Variants in ELAVL4 observed in about 807,000 individuals in gnomAD.
ELAVL4 encodes ELAV like RNA binding protein 4, also known as ELAV-like protein 4.
A neutral mutation model predicts 35.6 loss-of-function variants in ELAVL4; 1 was observed. That is an observed-to-expected ratio of 0.03 (90% CI 0.01 to 0.13). The LOEUF (loss-of-function observed/expected upper bound fraction) is 0.13, where lower values mean the gene tolerates loss of function less well. ELAVL4 is among the 10% of genes least tolerant of loss of function. The pLI, the probability that ELAVL4 is intolerant of heterozygous loss-of-function variation, is 1.00. For synonymous variants in ELAVL4, 156 were observed against 171.0 expected (o/e 0.91, Z 0.69); for missense variants, 267 against 464.9 (o/e 0.57, Z 3.91).
Position 50,191,401 on chromosome 1 carries a change from A to T in ELAVL4, c.355-2364A>T, listed in dbSNP as rs532701578. ...ACACAGCTGGGATTCTGGGTGCCTG[A>T]CTCTCAGTGGTCCACCTTACTGGAG... On this transcript the variant is annotated intron_variant, in intron 3 of 6. Coordinates refer to ENST00000371824, the MANE Select transcript of ELAVL4 (RefSeq NM_001144774.3). Among the ~76,000 whole-genome samples, 26 of 151,788 alleles carry T rather than the reference A, an allele frequency of 1.7e-4. No individual in the cohort carries two copies. In the South Asian group the frequency reaches 4.6e-3, roughly 27 times the overall value.
chr1:50,123,109 A>G (rs1443576973), intron 1 of ELAVL4, among the ~76,000 whole-genome samples: 2 of 152,074 alleles, frequency 1.3e-5, no homozygotes, highest in African/African-American at 2.4e-5. Flanking sequence ...TCCTTGGGGT[A>G]TGTATATATT....
chr1:50,198,680 G>T (rs1253073901), intron 6 of ELAVL4, among the ~76,000 whole-genome samples: 2 of 152,138 alleles, frequency 1.3e-5, no homozygotes, highest in Non-Finnish European at 2.9e-5. Context: ...ATGTTAGTGA[G>T]GTAGTGCTAA....
At chr1:50,148,916 G>A (rs1017545854) in intron 2 of ELAVL4, among the ~76,000 whole-genome samples, 5 of 152,276 alleles carry the variant, frequency 3.3e-5, no homozygotes, top group African/African-American at 1.2e-4. Context: ...AAGTTCCTAT[G>A]TGATCAGTAT....
At chr1:50,144,762 C>A (rs1673394041) in intron 1 of ELAVL4, 195 bp from the exon 2 acceptor site, 1 of 824,746 alleles carries the variant, frequency 1.2e-6, no homozygotes, top group Non-Finnish European at 2.1e-6. Flanking sequence ...TATGGGCTGG[C>A]CTAAAAATAG....
rs367854844 is a variant in ELAVL4, at chr1:50,183,690, G to A, written c.354+6498G>A. Among the ~76,000 whole-genome samples the A allele has an allele frequency of 3.3e-5, 5 of 152,238 alleles. No homozygotes were observed. In the South Asian group the frequency reaches 8.3e-4, roughly 25 times the overall value. ...CCACTTCTTTCTCTTGCCAGGGGTC[G>A]TCAGGGAGCTGCGCCTCCCCCTCTC... On this transcript the variant is annotated intron_variant, in intron 3 of 6. Transcript: ENST00000371824.
intron 1 of ELAVL4, among the ~76,000 whole-genome samples, chr1:50,109,427 C>G (rs894533792): frequency 6.6e-6 from 1 of 151,970 alleles, no homozygotes; most frequent in African/African-American, 2.4e-5. Context: ...TTCCCTTCAA[C>G]ATAAAGGCAA....
intron 2 of ELAVL4, among the ~76,000 whole-genome samples, chr1:50,172,096 G>T (rs1001595643): frequency 7.2e-5 from 11 of 152,148 alleles, no homozygotes; most frequent in African/African-American, 2.7e-4. Context: ...TTTAAAAAGC[G>T]AAAGAGCAAG....
At chr1:50,110,789 T>C (rs1289193651) in intron 1 of ELAVL4, among the ~76,000 whole-genome samples, 1 of 152,174 alleles carries the variant, frequency 6.6e-6, no homozygotes, top group African/African-American at 2.4e-5. Flanking sequence ...TCTTAGAGGA[T>C]TGCCTTTGTC....
In ELAVL4 at chr1:50,135,255, C is replaced by T. The variant is rs931096984; in HGVS notation, c.10-9702C>T. ...TATAAGTTCCTTTTAGATTATAAAG[C>T]GCTATATTCTCATTGTAGAAACAAA... On this transcript the variant is annotated intron_variant, in intron 1 of 6. Coordinates refer to ENST00000371824, the MANE Select transcript of ELAVL4 (RefSeq NM_001144774.3). 3.9e-5 allele frequency among the ~76,000 whole-genome samples: 6 copies of T among 151,950 alleles called. No homozygotes were observed. In the East Asian group the frequency reaches 5.8e-4, roughly 15 times the overall value.
At chr1:50,145,414 C>T (rs529513697) in intron 2 of ELAVL4, among the ~76,000 whole-genome samples, 1 of 152,270 alleles carries the variant, frequency 6.6e-6, no homozygotes, top group South Asian at 2.1e-4. Context: ...ACATCTTCAT[C>T]TTCATGTAAA....
chr1:50,133,883 T>C (rs955982624), intron 1 of ELAVL4, among the ~76,000 whole-genome samples: 2 of 152,270 alleles, frequency 1.3e-5, no homozygotes, highest in South Asian at 4.1e-4. Flanking sequence ...TCACTTATTA[T>C]CTTCACCTTC....
At chr1:50,060,019 G>A (rs1472576727) in intron 1 of ELAVL4, among the ~76,000 whole-genome samples, 2 of 152,130 alleles carry the variant, frequency 1.3e-5, no homozygotes, top group Non-Finnish European at 2.9e-5. Context: ...CTTGATAGAG[G>A]TCATGATTGC....
At chr1:50,062,555 C>A (rs1447311600) in intron 1 of ELAVL4, among the ~76,000 whole-genome samples, 1 of 152,146 alleles carries the variant, frequency 6.6e-6, no homozygotes. Flanking sequence ...CTACTTCATG[C>A]CTGCCTTGGG....
At chr1:50,085,670 T>C (rs1665208758) in intron 1 of ELAVL4, among the ~76,000 whole-genome samples, 1 of 152,232 alleles carries the variant, frequency 6.6e-6, no homozygotes, top group African/African-American at 2.4e-5. Flanking sequence ...CCTGTCCAAA[T>C]GCCATTTCAA....
intron 2 of ELAVL4, among the ~76,000 whole-genome samples, chr1:50,157,921 A>T (rs1208630176): frequency 6.6e-6 from 1 of 152,156 alleles, no homozygotes; most frequent in Non-Finnish European, 1.5e-5. Context: ...GTATATATAG[A>T]TATGTGTATC....
chr1:50,074,219 G>A (rs1315940584), intron 1 of ELAVL4, among the ~76,000 whole-genome samples: 1 of 151,924 alleles, frequency 6.6e-6, no homozygotes, highest in Non-Finnish European at 1.5e-5. Flanking sequence ...TATATTTTTT[G>A]TCTTATCTCT....
chr1:50,190,758 T>C (rs1318594138), intron 3 of ELAVL4, among the ~76,000 whole-genome samples: 1 of 152,218 alleles, frequency 6.6e-6, no homozygotes, highest in Non-Finnish European at 1.5e-5. Flanking sequence ...GTTCACCCTG[T>C]TCCCTCTGTA....
intron 1 of ELAVL4, among the ~76,000 whole-genome samples, chr1:50,070,405 A>G (rs1429519301): frequency 6.6e-6 from 1 of 152,104 alleles, no homozygotes; most frequent in African/African-American, 2.4e-5. Flanking sequence ...TTTTCCTTTT[A>G]ACTACCCTGT....
chr1:50,081,507 A>T lies in ELAVL4; in HGVS notation c.18+33325A>T, dbSNP rs368178571. 3.0e-4 allele frequency among the ~76,000 whole-genome samples: 45 copies of T among 152,322 alleles called. 1 individual carries two copies. The South Asian group carries it at 8.7e-3, about 29-fold the overall frequency. On this transcript the variant is annotated intron_variant, in intron 1 of 6. Transcript: ENST00000448907. ...TAAAATGCTGATTTCTGAGCCATTC[A>T]TCCAGATTCTGATTCAGTGTGTCTG...
Sources: gnomAD v4.1 joint callset for allele counts (sites outside exome capture counted in the v4.1 genomes callset) on GRCh38, gnomAD v4.1.1 for gene constraint, MANE v1.5 for transcripts, NCBI Gene and HGNC (gene_info 2026-07-23, HGNC 2026-07-21) for gene names.